ASTE1: variants seen among roughly 807,000 people sequenced by gnomAD.
ASTE1 encodes the protein single-strand DNA endonuclease ASTE1.
A neutral mutation model predicts 45.8 loss-of-function variants in ASTE1; 49 were observed. The ratio of observed to expected loss-of-function variants is 1.07; its 90% confidence interval spans 0.85 to 1.36. The LOEUF is 1.36. ASTE1 is among the 40% of genes most tolerant of loss of function. ASTE1 has a pLI of 0.00. For missense variants in ASTE1, 709 were observed against 804.0 expected, an observed-to-expected ratio of 0.88 and a Z score of 1.43; for synonymous variants, 296 against 303.9, an observed-to-expected ratio of 0.97 and a Z score of 0.27.
chr3:131,019,833 T>A (rs2063718800), intron 3 of ASTE1, among the ~76,000 whole-genome samples: 1 of 152,206 alleles, frequency 6.6e-6, no homozygotes. Context: ...ATGAAAACTT[T>A]AAATAGTACG....
At position 131,025,297 on chromosome 3, in the gene ASTE1, G is replaced by A. The variant is rs199880256; in HGVS notation, c.10C>T (p.Arg4Ter). ...TCTTCCACAAAACTCATTAGTCCTC[G>A]GATACCCATGATGACAGTCTAAAGA... The part of the protein sequence containing the change: MGI[R>*]GLMSFVEDHS... Residue 4 changes from arginine to a stop codon, truncating the protein, a stop_gained, in exon 3 of 6, where the codon CGA (arginine) becomes TGA (stop). Transcript: ENST00000264992. LOFTEE classifies it high-confidence loss of function. The A allele has an allele frequency of 1.6e-5, 26 of 1,611,682 alleles. No individual in the cohort carries two copies. In the East Asian group the frequency reaches 2.2e-4, roughly 14 times the overall value.
At position 131,018,538 on chromosome 3, in the gene ASTE1, A is replaced by G. The variant is rs763574548; in HGVS notation, c.1481T>C (p.Val494Ala). ...HLQSLLLTML[V>A]GPLIAIINSP... ...GTTGATTATGGCAATCAAGGGCCCC[A>G]CTAGCATTGTGAGCAGTAAGGATTG... The change falls in exon 4 of 6, where the codon GTG becomes GCG. Residue 494 changes from valine (V) to alanine (A), a missense_variant. Transcript: ENST00000264992. 6.2e-7 allele frequency: 1 copy of G among 1,613,880 alleles called. No individual in the cohort carries two copies. Among genetic ancestry groups the G allele is most frequent in the Non-Finnish European group, 8.5e-7 (1 of 1,180,012 alleles).
In ASTE1 at chr3:131,024,189, C is replaced by T; in HGVS notation, c.1118G>A (p.Arg373Lys). Residue 373 changes from arginine to lysine, a missense_variant, in exon 3 of 6, where the codon AGG (arginine) becomes AAG (lysine). By Grantham distance (26) the Arg-to-Lys change is conservative. Coordinates refer to ENST00000264992, the MANE Select transcript of ASTE1 (RefSeq NM_014065.4). The part of the protein sequence containing the change: ...PNAHRISQPI[R>K]QIIYGLLLNA... ...TAAAAGAAGCCCATAGATGATTTGC[C>T]TGATGGGCTGAGATATTCTGTGGGC... 6.2e-7 allele frequency: 1 copy of T among 1,614,174 alleles called. No homozygotes were observed. The highest frequency in any genetic ancestry group is 1.3e-5 in the African/African-American group (1 of 75,056).
intron 4 of ASTE1, among the ~76,000 whole-genome samples, chr3:131,017,374 G>C (rs1242410869): frequency 2.0e-5 from 3 of 152,188 alleles, no homozygotes. Context: ...ACTTTCTGCA[G>C]TGCTGTCCAA....
In ASTE1 at chr3:131,014,393, C is replaced by A. The variant is rs1184925064; in HGVS notation, c.1710-6G>T. The A allele has an allele frequency of 1.9e-6, 3 of 1,553,288 alleles. No individual in the cohort carries two copies. The highest frequency in any genetic ancestry group is 2.1e-5 in the Admixed American group (1 of 47,102). ...CCAGGCTTCCACTGTACAGTCTGTT[C>A]AAAGCAAGAAAAAAGTATGTTGTTA... On this transcript the variant is annotated splice_region_variant and splice_polypyrimidine_tract_variant and intron_variant, in intron 5 of 5. Transcript: ENST00000264992.
At chr3:131,018,380 C>T in intron 4 of ASTE1, 126 bp downstream of exon 4, 2 of 936,944 alleles carry the variant, frequency 2.1e-6, no homozygotes, top group Non-Finnish European at 3.3e-6. Context: ...GGTGCCTCCA[C>T]ATCTAAGTTG....
In ASTE1 at chr3:131,018,600, C is replaced by T; in HGVS notation, c.1419G>A (p.Leu473=). The T allele has an allele frequency of 1.9e-6, 3 of 1,613,984 alleles. No homozygotes were observed. The highest frequency in any genetic ancestry group is 2.5e-6 in the Non-Finnish European group (3 of 1,180,002). ...KLPIAVSCYW[L]QHTETKAKLH... ...GCTTTGCTTTGGTCTCGGTGTGCTG[C>T]AACCAGTAGCAACTGACAGCAATGG... Residue 473 remains leucine (L), a synonymous_variant, in exon 4 of 6, where the codon TTG becomes TTA. Transcript: ENST00000264992.
At chr3:131,017,294 G>A (rs996440203) in intron 4 of ASTE1, among the ~76,000 whole-genome samples, 2 of 152,212 alleles carry the variant, frequency 1.3e-5, no homozygotes, top group African/African-American at 4.8e-5. Context: ...TTAGAAACAG[G>A]AATCCATGCT....
At chr3:131,016,028 T>C (rs1424083449) in intron 5 of ASTE1, 116 bp downstream of exon 5, 1 of 1,255,142 alleles carries the variant, frequency 8.0e-7, no homozygotes, top group Admixed American at 2.1e-5. Context: ...TTAAGATTAG[T>C]TTTTTTTTGT....
intron 1 of ASTE1, among the ~76,000 whole-genome samples, chr3:131,026,008 C>T (rs1486608495): frequency 6.6e-6 from 1 of 152,180 alleles, no homozygotes; most frequent in African/African-American, 2.4e-5. Flanking sequence ...GGCCCAGCTA[C>T]GCTTCCTCAC....
intron 3 of ASTE1, among the ~76,000 whole-genome samples, chr3:131,020,869 A>G (rs1393651955): frequency 6.6e-6 from 1 of 152,210 alleles, no homozygotes. Flanking sequence ...AGAACACTTA[A>G]GTCATCTCTA....
Position 131,024,299 on chromosome 3 carries a change from G to C in ASTE1, c.1008C>G (p.Gly336=), listed in dbSNP as rs2063779695. 1 of 1,614,214 alleles carries C rather than the reference G, an allele frequency of 6.2e-7. No homozygotes were observed. The highest frequency in any genetic ancestry group is 1.1e-5 in the South Asian group (1 of 91,088). The change falls in exon 3 of 6, where the codon GGC becomes GGG. Residue 336 remains glycine (G), a synonymous_variant. Transcript: ENST00000264992. ...CATCACTGATGAAAGGAGATAGCTG[G>C]CCTTTAGCTAAAGCCACTAATACCC... The part of the protein sequence containing the change: ...PEWVLVALAK[G]QLSPFISDAL...
chr3:131,025,543 A>C lies in ASTE1; in HGVS notation c.-95T>G. The C allele has an allele frequency of 1.3e-5, 8 of 598,874 alleles. No homozygotes were observed. Among genetic ancestry groups the C allele is most frequent in the East Asian group, 3.2e-5 (1 of 31,308 alleles). The allele number at this position is 598,874 out of a possible 1,614,324, so 37.1% of individuals were successfully genotyped here. ...GCTTTCTGATACAAGGCACAAATTC[A>C]ATGGTTTCATGGGTTGTAATCTTTG... On this transcript the variant is annotated 5_prime_UTR_variant, in exon 2 of 6. In the 5' UTR this introduces an upstream ATG that the reference lacks. Coordinates refer to ENST00000264992, the MANE Select transcript of ASTE1 (RefSeq NM_014065.4).
intron 3 of ASTE1, among the ~76,000 whole-genome samples, chr3:131,021,405 C>G (rs565776445): frequency 2.6e-5 from 4 of 152,130 alleles, no homozygotes; most frequent in African/African-American, 9.7e-5. Context: ...AATGAATGAT[C>G]AACTACTCAC....
intron 4 of ASTE1, chr3:131,016,955 T>C (rs1293297543): frequency 7.8e-7 from 1 of 1,275,248 alleles, no homozygotes; most frequent in East Asian, 5.6e-5. Flanking sequence ...AAATAACATC[T>C]GGACCAATTT....
At chr3:131,017,521 T>C (rs960315721) in intron 4 of ASTE1, among the ~76,000 whole-genome samples, 23 of 152,200 alleles carry the variant, frequency 1.5e-4, no homozygotes, top group African/African-American at 4.8e-4. Flanking sequence ...TATTAGATAG[T>C]ACTATTCCAG....
In ASTE1 at chr3:131,018,633, C is replaced by G. The variant is rs1176037581; in HGVS notation, c.1386G>C (p.Leu462=). The change falls in exon 4 of 6, where the codon CTG becomes CTC. Residue 462 remains leucine (L), a synonymous_variant. Transcript: ENST00000264992. ...QTILEPIPTS[L]KLPIAVSCYW... ...AGCAACTGACAGCAATGGGCAACTT[C>G]AGTGAAGTAGGGATTGGCTCCAGAA... 1 of 1,614,094 alleles carries G rather than the reference C, an allele frequency of 6.2e-7. No individual in the cohort carries two copies. Among genetic ancestry groups the G allele is most frequent in the Admixed American group, 1.7e-5 (1 of 60,020 alleles).
At chr3:131,016,020 A>C in intron 5 of ASTE1, 124 bp downstream of exon 5, 1 of 1,212,274 alleles carries the variant, frequency 8.2e-7, no homozygotes, top group Non-Finnish European at 1.2e-6. Flanking sequence ...CAATTACATT[A>C]AGATTAGTTT....
intron 4 of ASTE1, 21 bp from the exon 5 acceptor site, chr3:131,016,360 A>G (rs761832164): frequency 6.2e-7 from 1 of 1,614,008 alleles, no homozygotes; most frequent in South Asian, 1.1e-5. Context: ...AAACAGCCCA[A>G]GGGCAGTATT....
Sources: gnomAD v4.1 joint callset for allele counts (sites outside exome capture counted in the v4.1 genomes callset) on GRCh38, gnomAD v4.1.1 for gene constraint, MANE v1.5 for transcripts, NCBI Gene and HGNC (gene_info 2026-07-23, HGNC 2026-07-21) for gene names.